XYLT1: variants seen among roughly 807,000 people sequenced by gnomAD.
XYLT1 encodes the protein beta-D-xylosyltransferase 1.
XYLT1 carries 36 observed loss-of-function variants against 91.3 expected under a neutral mutation model. The observed-to-expected ratio is 0.39, with a 90% CI of 0.30 to 0.52. The LOEUF (loss-of-function observed/expected upper bound fraction) is 0.52, where lower values mean the gene tolerates loss of function less well. XYLT1 is among the 20% of genes least tolerant of loss of function. The pLI is 0.68. For missense variants in XYLT1, 1,242 were observed against 1,284.5 expected (o/e 0.97, Z 0.51); for synonymous variants, 588 against 532.0 (o/e 1.11, Z -1.45).
chr16:17,391,109 T>C (rs1485374428), intron 1 of XYLT1, among the ~76,000 whole-genome samples: 3 of 152,218 alleles, frequency 2.0e-5, no homozygotes, highest in Non-Finnish European at 2.9e-5. Flanking sequence ...CCAGCCATTA[T>C]TCCTGAGGTC....
chr16:17,286,650 T>TATCATCATCAGCCTC (rs1567357138), intron 2 of XYLT1, among the ~76,000 whole-genome samples: 1 of 150,908 alleles, frequency 6.6e-6, no homozygotes, highest in Admixed American at 6.6e-5. Flanking sequence ...CATGGATAGG[T>TATCATCATCAGCCTC]ATCATCATCA....
chr16:17,316,441 G>T (rs951156656), intron 2 of XYLT1, among the ~76,000 whole-genome samples: 1 of 152,042 alleles, frequency 6.6e-6, no homozygotes, highest in Non-Finnish European at 1.5e-5. Context: ...CTGTCGCCCC[G>T]GCTGGAGTGC....
intron 2 of XYLT1, among the ~76,000 whole-genome samples, chr16:17,337,415 G>A (rs919835957): frequency 6.6e-6 from 1 of 152,086 alleles, no homozygotes; most frequent in African/African-American, 2.4e-5. Context: ...AAACTCTAGG[G>A]CTCAAGCGAT....
intron 1 of XYLT1, among the ~76,000 whole-genome samples, chr16:17,443,010 C>G (rs139624873): frequency 1.2e-3 from 180 of 152,272 alleles, no homozygotes; most frequent in Middle Eastern, 3.4e-3. Flanking sequence ...AGAGTTAGCT[C>G]AGCATTTGAG....
intron 6 of XYLT1, among the ~76,000 whole-genome samples, chr16:17,143,935 C>T (rs1325945583): frequency 1.3e-5 from 2 of 152,200 alleles, no homozygotes; most frequent in Non-Finnish European, 2.9e-5. Context: ...GTATCACCAC[C>T]ATCTTCATCC....
chr16:17,436,330 A>G (rs2036458542), intron 1 of XYLT1, among the ~76,000 whole-genome samples: 1 of 152,216 alleles, frequency 6.6e-6, no homozygotes, highest in Admixed American at 6.5e-5. Flanking sequence ...GACTTGCCCA[A>G]GGTCATACAG....
chr16:17,153,368 T>A (rs1458316001), intron 6 of XYLT1, among the ~76,000 whole-genome samples: 2 of 152,236 alleles, frequency 1.3e-5, no homozygotes, highest in Non-Finnish European at 2.9e-5. Flanking sequence ...GATTCTTAAC[T>A]GCTATGCTAT....
At chr16:17,393,909 C>T (rs1017179761) in intron 1 of XYLT1, among the ~76,000 whole-genome samples, 29 of 151,984 alleles carry the variant, frequency 1.9e-4, no homozygotes, top group African/African-American at 5.5e-4. Flanking sequence ...CCGAGTAGCT[C>T]GGACTACAGG....
At chr16:17,432,703 T>C (rs1242936676) in intron 1 of XYLT1, among the ~76,000 whole-genome samples, 1 of 152,116 alleles carries the variant, frequency 6.6e-6, no homozygotes, top group African/African-American at 2.4e-5. Flanking sequence ...AAAAAAATGG[T>C]TCCCATTATA....
intron 9 of XYLT1, among the ~76,000 whole-genome samples, chr16:17,129,039 G>A (rs1436466099): frequency 7.8e-6 from 1 of 128,678 alleles, no homozygotes; most frequent in African/African-American, 2.9e-5. Context: ...TGAAATCATT[G>A]CCTTGTTACT....
At chr16:17,167,028 A>G (rs750927) in intron 5 of XYLT1, among the ~76,000 whole-genome samples, 61,426 of 152,106 alleles carry the variant, frequency 0.4, 14,319 homozygotes, top group East Asian at 0.64. Context: ...TAATTTTACA[A>G]TACACATCCA....
chr16:17,327,602 TCCCGC>T (rs2034829313), intron 2 of XYLT1, among the ~76,000 whole-genome samples: 4 of 107,124 alleles, frequency 3.7e-5, no homozygotes, highest in African/African-American at 1.4e-4. Flanking sequence ...GACCTCGTGA[TCCCGC>T]CCCCCCCCCC....
chr16:17,180,206 C>T lies in XYLT1; in HGVS notation c.1289+18006G>A, dbSNP rs550958862. 2.1e-3 allele frequency among the ~76,000 whole-genome samples: 314 copies of T among 152,334 alleles called. 4 individuals are homozygous for T. The highest frequency in any genetic ancestry group is 1.6e-3 in the Non-Finnish European group (109 of 68,032). Reference sequence around the variant, plus strand: ...AGTGCCCCCTTGGTACTGCAGCCATCACTGTCATGAAGCCTGTCTGAGACA... The same window carrying T: ...AGTGCCCCCTTGGTACTGCAGCCATTACTGTCATGAAGCCTGTCTGAGACA... On this transcript the variant is annotated intron_variant, in intron 5 of 11. Transcript: ENST00000261381.
At chr16:17,184,817 A>C (rs1354448392) in intron 5 of XYLT1, among the ~76,000 whole-genome samples, 1 of 152,244 alleles carries the variant, frequency 6.6e-6, no homozygotes, top group Non-Finnish European at 1.5e-5. Context: ...ACAACTCAAG[A>C]GAGAACTATC....
intron 1 of XYLT1, among the ~76,000 whole-genome samples, chr16:17,450,495 G>A (rs865806751): frequency 1.3e-5 from 2 of 152,176 alleles, no homozygotes; most frequent in African/African-American, 4.8e-5. Context: ...GAAAGGACAC[G>A]TGGGTCACAC....
At chr16:17,245,722 C>T (rs916449726) in intron 3 of XYLT1, among the ~76,000 whole-genome samples, 6 of 152,310 alleles carry the variant, frequency 3.9e-5, no homozygotes, top group East Asian at 3.9e-4. Context: ...TTCAATTCCA[C>T]GGGGTAATAA....
chr16:17,125,902 A>G (rs1013703143), intron 10 of XYLT1, among the ~76,000 whole-genome samples: 2 of 152,010 alleles, frequency 1.3e-5, no homozygotes, highest in East Asian at 3.9e-4. Flanking sequence ...AGCATCTTTT[A>G]TTTCCAAGTC....
At chr16:17,333,043 T>C (rs183017571) in intron 2 of XYLT1, among the ~76,000 whole-genome samples, 116 of 148,010 alleles carry the variant, frequency 7.8e-4, no homozygotes, top group African/African-American at 2.8e-3. Context: ...AACTCAAATC[T>C]TTTTTTTTTC....
In XYLT1 at chr16:17,117,655, T is replaced by A. The variant is rs770461879; in HGVS notation, c.2548A>T (p.Ile850Phe). Residue 850 changes from isoleucine (I) to phenylalanine (F), a missense_variant, in exon 11 of 12, where the codon ATC becomes TTC. Physicochemically the swap from Ile to Phe is conservative, Grantham distance 21 (BLOSUM62 0). Around this residue, in one of 3 missense-constraint regions of XYLT1, gnomAD observed 511 missense variants for 497.0 expected, o/e 1.03. Coordinates refer to ENST00000261381, the MANE Select transcript of XYLT1 (RefSeq NM_022166.4). ...CACTGGGAGTACTTACCAGGTTTGA[T>A]GGGCTGCCTGTTCGAGAAGGTCAGA... is the stretch of plus-strand genomic sequence containing the variant. The part of the protein sequence containing the change: ...APLTFSNRQP[I>F]KPEEALKLHN... The A allele has an allele frequency of 8.7e-6, 14 of 1,611,552 alleles. No homozygotes were observed. The highest frequency in any genetic ancestry group is 1.3e-5 in the African/African-American group (1 of 74,880).
Sources: allele counts gnomAD v4.1 joint callset (sites outside exome capture counted in the v4.1 genomes callset), GRCh38; gene constraint gnomAD v4.1.1; regional missense constraint gnomAD v4.1.1; transcripts MANE v1.5; gene names NCBI Gene and HGNC (gene_info 2026-07-23, HGNC 2026-07-21).